The following SOX6 variants were observed in gnomAD, a reference collection of about 807,000 sequenced individuals.
The protein encoded by SOX6 is transcription factor SOX-6.
SOX6 carries 11 observed loss-of-function variants against 97.8 expected under a neutral mutation model. The ratio of observed to expected loss-of-function variants is 0.11; its 90% confidence interval spans 0.07 to 0.19. The LOEUF (loss-of-function observed/expected upper bound fraction) is 0.19. Ranked by LOEUF, SOX6 falls within the 10% of genes least tolerant of loss-of-function variation. The pLI, the probability that SOX6 is intolerant of heterozygous loss-of-function variation, is 1.00. For synonymous variants in SOX6, 360 were observed against 371.4 expected (o/e 0.97, Z 0.35); for missense variants, 810 against 1,039.5 (o/e 0.78, Z 3.04).
chr11:16,530,939 T>G (rs1174755094), intron 4 of SOX6, among the ~76,000 whole-genome samples: 7 of 148,138 alleles, frequency 4.7e-5, no homozygotes, highest in Admixed American at 2.0e-4. Flanking sequence ...TATATATATA[T>G]AGAATGTAAA....
intron 13 of SOX6, among the ~76,000 whole-genome samples, chr11:16,008,644 A>G (rs190669415): frequency 5.8e-4 from 89 of 152,226 alleles, no homozygotes; most frequent in African/African-American, 2.0e-3. Context: ...GGAGGGTTCA[A>G]TGGAAATTGT....
chr11:16,625,040 GTT>G (rs1226922084), intron 3 of SOX6, among the ~76,000 whole-genome samples: 13 of 152,136 alleles, frequency 8.5e-5, no homozygotes, highest in Non-Finnish European at 4.4e-5. Context: ...TGCCAGACAT[GTT>G]TTTGCAAATA....
At chr11:16,628,094 AG>A (rs1369299970) in intron 3 of SOX6, among the ~76,000 whole-genome samples, 1 of 152,202 alleles carries the variant, frequency 6.6e-6, no homozygotes, top group Admixed American at 6.5e-5. Flanking sequence ...GTCAAAGATC[AG>A]ATGGTTGTAG....
intron 1 of SOX6, among the ~76,000 whole-genome samples, chr11:16,452,751 C>T: frequency 6.6e-6 from 1 of 151,664 alleles, no homozygotes; most frequent in Admixed American, 6.6e-5. Flanking sequence ...AGGCACAGGG[C>T]AAAAAAATGG....
intron 3 of SOX6, among the ~76,000 whole-genome samples, chr11:16,615,990 T>C (rs1200891137): frequency 6.6e-6 from 1 of 152,128 alleles, no homozygotes; most frequent in Non-Finnish European, 1.5e-5. Flanking sequence ...TAAACTTTAG[T>C]CACTAAAATT....
intron 9 of SOX6, among the ~76,000 whole-genome samples, chr11:16,079,646 A>G (rs1272908672): frequency 6.6e-6 from 1 of 152,198 alleles, no homozygotes; most frequent in Non-Finnish European, 1.5e-5. Context: ...GTGATCAGGT[A>G]GACTAGACAA....
intron 2 of SOX6, among the ~76,000 whole-genome samples, chr11:16,340,623 C>A (rs1463777520): frequency 6.6e-6 from 1 of 152,058 alleles, no homozygotes; most frequent in Non-Finnish European, 1.5e-5. Flanking sequence ...CATATGACCT[C>A]ATTCACACAG....
intron 9 of SOX6, among the ~76,000 whole-genome samples, chr11:16,075,161 A>G (rs1398849310): frequency 6.6e-6 from 1 of 152,192 alleles, no homozygotes; most frequent in African/African-American, 2.4e-5. Context: ...GAATGGTGCT[A>G]GAATAACTGG....
At chr11:16,178,017 G>A (rs1256010628) in intron 6 of SOX6, among the ~76,000 whole-genome samples, 1 of 151,902 alleles carries the variant, frequency 6.6e-6, no homozygotes, top group Non-Finnish European at 1.5e-5. Flanking sequence ...GTAACTGAAG[G>A]ATAGCGCAGA....
chr11:16,255,388 T>A (rs1026377370), intron 3 of SOX6, among the ~76,000 whole-genome samples: 1 of 152,014 alleles, frequency 6.6e-6, no homozygotes, highest in Non-Finnish European at 1.5e-5. Flanking sequence ...TGAAAACAAT[T>A]GAAATAATAT....
chr11:16,655,329 G>C (rs981577611), intron 3 of SOX6, among the ~76,000 whole-genome samples: 1 of 152,104 alleles, frequency 6.6e-6, no homozygotes, highest in African/African-American at 2.4e-5. Flanking sequence ...CACCCAGAAA[G>C]GATTTTGACA....
At chr11:16,252,857 G>T (rs2134202114) in intron 3 of SOX6, among the ~76,000 whole-genome samples, 1 of 152,210 alleles carries the variant, frequency 6.6e-6, no homozygotes, top group Non-Finnish European at 1.5e-5. Context: ...AAGCATTCAT[G>T]AAATTCACAG....
chr11:16,478,825 C>T (rs1328976877), upstream of SOX6, among the ~76,000 whole-genome samples: 1 of 152,140 alleles, frequency 6.6e-6, no homozygotes, highest in Non-Finnish European at 1.5e-5. Context: ...AAAACAAAAG[C>T]AGTCACTATG....
chr11:16,098,838 A>C (rs151205663), intron 7 of SOX6, among the ~76,000 whole-genome samples: 32 of 152,012 alleles, frequency 2.1e-4, no homozygotes, highest in African/African-American at 7.0e-4. Context: ...AAGGCAGTCA[A>C]CTGGAAAGCA....
At chr11:16,026,028 A>G (rs75286223) in intron 12 of SOX6, among the ~76,000 whole-genome samples, 2 of 152,110 alleles carry the variant, frequency 1.3e-5, no homozygotes, top group Non-Finnish European at 2.9e-5. Flanking sequence ...GATCCAGAAC[A>G]TGCCTCTCAG....
chr11:16,377,334 G>T (rs1857669907), intron 1 of SOX6, among the ~76,000 whole-genome samples: 2 of 152,026 alleles, frequency 1.3e-5, no homozygotes, highest in African/African-American at 4.8e-5. Context: ...TCAGTTCCCA[G>T]ATATGCAAGG....
chr11:16,002,885 A>C (rs564874562), intron 13 of SOX6, among the ~76,000 whole-genome samples: 1 of 152,326 alleles, frequency 6.6e-6, no homozygotes, highest in Non-Finnish European at 1.5e-5. Flanking sequence ...TAACACAGAT[A>C]CTACTGAATC....
In SOX6 at chr11:16,132,977, C is replaced by T. The variant is rs570416278; in HGVS notation, c.778-21054G>A. Among the ~76,000 whole-genome samples, 15 of 151,986 alleles carry T rather than the reference C, an allele frequency of 9.9e-5. No individual in the cohort carries two copies. In the East Asian group the frequency reaches 2.9e-3, roughly 29 times the overall value. On this transcript the variant is annotated intron_variant, in intron 6 of 15. Coordinates refer to ENST00000683767, the MANE Select transcript of SOX6 (RefSeq NM_001367873.1). Reference sequence around the variant, plus strand: ...AAAAAGTATATTATTCATTCAGAGACAGTTGTGATATGGTAAAATAGGCCC... The same window carrying T: ...AAAAAGTATATTATTCATTCAGAGATAGTTGTGATATGGTAAAATAGGCCC...
At chr11:16,700,091 T>C (rs1848081955) in intron 3 of SOX6, among the ~76,000 whole-genome samples, 2 of 152,088 alleles carry the variant, frequency 1.3e-5, no homozygotes, top group Non-Finnish European at 2.9e-5. Context: ...ACTACTATGA[T>C]ACATGATACA....
Sources: allele counts gnomAD v4.1 joint callset (sites outside exome capture counted in the v4.1 genomes callset), GRCh38; gene constraint gnomAD v4.1.1; transcripts MANE v1.5; gene names NCBI Gene and HGNC (gene_info 2026-07-23, HGNC 2026-07-21).